Variants in RFX3 observed in about 807,000 individuals in gnomAD.
The protein encoded by RFX3 is regulatory factor X3.
In RFX3, 14 loss-of-function variants were observed where a neutral mutation model predicts 98.6. The observed-to-expected ratio is 0.14, with a 90% confidence interval of 0.09 to 0.22. The LOEUF (loss-of-function observed/expected upper bound fraction) is 0.22, where lower values mean the gene tolerates loss of function less well. Ranked by LOEUF, RFX3 falls within the 10% of genes least tolerant of loss-of-function variation. The pLI is 1.00. For synonymous variants in RFX3, 383 were observed against 328.4 expected, an observed-to-expected ratio of 1.17 and a Z score of -1.80; for missense variants, 639 against 926.9, an observed-to-expected ratio of 0.69 and a Z score of 4.03.
chr9:3,314,728 G>C (rs1013113364), intron 4 of RFX3, among the ~76,000 whole-genome samples: 1 of 151,930 alleles, frequency 6.6e-6, no homozygotes, highest in African/African-American at 2.4e-5. Flanking sequence ...TGCAATTCTA[G>C]TCTCTGATAA....
At chr9:3,244,069 T>C (rs954636297) in intron 15 of RFX3, among the ~76,000 whole-genome samples, 1 of 151,670 alleles carries the variant, frequency 6.6e-6, no homozygotes, top group Admixed American at 6.6e-5. Context: ...TGGCGTGACC[T>C]TGTCTCACTG....
chr9:3,351,998 A>G (rs564630744), intron 2 of RFX3, among the ~76,000 whole-genome samples: 5 of 152,128 alleles, frequency 3.3e-5, no homozygotes, highest in Non-Finnish European at 7.4e-5. Context: ...AATTTATAAG[A>G]AAAAGGAAAA....
intron 15 of RFX3, among the ~76,000 whole-genome samples, chr9:3,233,563 A>G (rs1818758146): frequency 6.6e-6 from 1 of 152,204 alleles, no homozygotes; most frequent in Non-Finnish European, 1.5e-5. Context: ...AGACTGGAAC[A>G]GAAGTAGGAG....
intron 1 of RFX3, among the ~76,000 whole-genome samples, chr9:3,469,813 T>G (rs1168255237): frequency 1.3e-5 from 2 of 149,326 alleles, no homozygotes. Context: ...GCCACTGCAC[T>G]CCAGCCTGGG....
intron 1 of RFX3, among the ~76,000 whole-genome samples, chr9:3,405,804 G>A (rs1332833886): frequency 6.6e-6 from 1 of 152,116 alleles, no homozygotes; most frequent in Non-Finnish European, 1.5e-5. Flanking sequence ...GGTTCTCAGT[G>A]CCCTCAGGAT....
chr9:3,494,652 ATAG>A (rs1850978882), intron 1 of RFX3, among the ~76,000 whole-genome samples: 1 of 152,208 alleles, frequency 6.6e-6, no homozygotes, highest in Admixed American at 6.5e-5. Flanking sequence ...ATTTAAAATA[ATAG>A]TAATCATTCT....
chr9:3,385,496 A>G (rs1251789828), intron 2 of RFX3, among the ~76,000 whole-genome samples: 3 of 151,894 alleles, frequency 2.0e-5, no homozygotes, highest in Non-Finnish European at 4.4e-5. Context: ...AGATCACCTA[A>G]GGTGAGTTCA....
intron 1 of RFX3, among the ~76,000 whole-genome samples, chr9:3,476,154 T>C (rs1849231867): frequency 6.6e-6 from 1 of 150,530 alleles, no homozygotes; most frequent in African/African-American, 2.4e-5. Flanking sequence ...CTACAAATGA[T>C]TAATGATACT....
At chr9:3,439,547 T>C (rs1424933738) in intron 1 of RFX3, among the ~76,000 whole-genome samples, 2 of 152,022 alleles carry the variant, frequency 1.3e-5, no homozygotes, top group South Asian at 2.1e-4. Context: ...GAGAATTTAA[T>C]AGCAGAAGTA....
chr9:3,306,650 A>G (rs1829355120), intron 4 of RFX3, among the ~76,000 whole-genome samples: 1 of 151,448 alleles, frequency 6.6e-6, no homozygotes, highest in African/African-American at 2.4e-5. Flanking sequence ...ACCTAATGCT[A>G]AATGACGAAT....
At chr9:3,303,759 C>T (rs1828944479) in intron 4 of RFX3, among the ~76,000 whole-genome samples, 2 of 152,016 alleles carry the variant, frequency 1.3e-5, no homozygotes, top group Admixed American at 1.3e-4. Context: ...ATGGCCTTCT[C>T]ATTTCTGGAC....
intron 15 of RFX3, among the ~76,000 whole-genome samples, chr9:3,239,134 C>T (rs1198020833): frequency 2.6e-5 from 4 of 152,208 alleles, no homozygotes; most frequent in Admixed American, 2.6e-4. Flanking sequence ...TATTATTTTC[C>T]TTAAATGTCT....
chr9:3,505,342 T>TATAA lies in RFX3; in HGVS notation c.-9+20404_-9+20405insTTAT, dbSNP rs1433320459. On this transcript the variant is annotated intron_variant, in intron 1 of 16. Coordinates refer to ENST00000617270, the MANE Select transcript of RFX3 (RefSeq NM_001282116.2). ...AATGTATATTTATATTTTATATAAA[T>TATAA]AAAATATTTTATATTTATATAAATA... 7.9e-5 allele frequency among the ~76,000 whole-genome samples: 8 copies of TATAA among 101,808 alleles called. 2 individuals carry two copies. The highest frequency in any genetic ancestry group is 3.3e-4 in the South Asian group (1 of 3,044). The allele number at this position is 101,808 out of a possible 152,430, so 66.8% of individuals were successfully genotyped here.
intron 1 of RFX3, among the ~76,000 whole-genome samples, chr9:3,504,905 TA>T (rs1453769279): frequency 3.2e-5 from 2 of 63,344 alleles, no homozygotes; most frequent in Non-Finnish European, 2.4e-5. Context: ...ATATATTATA[TA>T]TATATATAAT....
At chr9:3,267,957 ATATT>A (rs1823870944) in intron 11 of RFX3, among the ~76,000 whole-genome samples, 1 of 151,880 alleles carries the variant, frequency 6.6e-6, no homozygotes, top group African/African-American at 2.4e-5. Context: ...TACTTTAAAA[ATATT>A]TATTACGGGC....
intron 13 of RFX3, among the ~76,000 whole-genome samples, chr9:3,261,087 A>G (rs1303577266): frequency 6.6e-6 from 1 of 151,974 alleles, no homozygotes; most frequent in East Asian, 1.9e-4. Context: ...TAAAATAATT[A>G]CTAATTAGCT....
chr9:3,449,914 A>T (rs1294142050), intron 1 of RFX3, among the ~76,000 whole-genome samples: 1 of 152,012 alleles, frequency 6.6e-6, no homozygotes, highest in Non-Finnish European at 1.5e-5. Flanking sequence ...AAGACACAGA[A>T]AATTAAAATA....
chr9:3,286,859 G>C (rs566263913), intron 7 of RFX3, among the ~76,000 whole-genome samples: 1 of 151,820 alleles, frequency 6.6e-6, no homozygotes, highest in Admixed American at 6.6e-5. Context: ...TCACCGCTAG[G>C]TGAATTTTCC....
At chr9:3,281,220 A>G (rs1049152079) in intron 7 of RFX3, among the ~76,000 whole-genome samples, 3 of 151,668 alleles carry the variant, frequency 2.0e-5, no homozygotes, top group Non-Finnish European at 4.4e-5. Flanking sequence ...TTGAATTTCA[A>G]CTGACATTAT....
Sources: allele counts gnomAD v4.1 joint callset (sites outside exome capture counted in the v4.1 genomes callset), GRCh38; gene constraint gnomAD v4.1.1; transcripts MANE v1.5; gene names NCBI Gene and HGNC (gene_info 2026-07-23, HGNC 2026-07-21).